FASTKD2: variants seen among roughly 807,000 people sequenced by gnomAD.
The protein encoded by FASTKD2 is FAST kinase domains 2, also known as FAST kinase domain-containing protein 2, mitochondrial.
Under a neutral mutation model 63.6 loss-of-function variants are expected in FASTKD2, and 51 were observed. The observed-to-expected ratio is 0.80, with a 90% CI of 0.64 to 1.01. The LOEUF is 1.01. Among genes scored for constraint, FASTKD2 ranks in the 50% least tolerant of loss-of-function variants. The pLI is 0.00. For missense variants in FASTKD2, 786 were observed against 831.1 expected (o/e 0.95, Z 0.67); for synonymous variants, 284 against 293.4 (o/e 0.97, Z 0.33).
chr2:206,766,762 C>A lies in FASTKD2; in HGVS notation c.69C>A (p.Ser23=). 1 of 1,613,838 alleles carries A rather than the reference C, an allele frequency of 6.2e-7. No individual in the cohort carries two copies. Among genetic ancestry groups the A allele is most frequent in the Non-Finnish European group, 8.5e-7 (1 of 1,179,904 alleles). ...GCAAAATGAATAACAAAGCGGGCTC[C>A]TTTTTCTGGAACCTTAGACAATTCA... ...VESKMNNKAG[S]FFWNLRQFST... The change falls in exon 2 of 12, where the codon TCC becomes TCA. Residue 23 remains serine (S), a synonymous_variant. Transcript: ENST00000402774.
chr2:206,791,094 G>T, intron 11 of FASTKD2: 1 of 233,750 alleles, frequency 4.3e-6, no homozygotes, highest in South Asian at 5.8e-5. Flanking sequence ...AGAAAAGGCT[G>T]GATGGTTTTA....
intron 9 of FASTKD2, 128 bp downstream of exon 9, chr2:206,788,283 C>G: frequency 3.2e-6 from 2 of 629,554 alleles, no homozygotes; most frequent in South Asian, 3.9e-5. Context: ...TGGCCTGATT[C>G]TTGCCTCATA....
intron 7 of FASTKD2, among the ~76,000 whole-genome samples, chr2:206,777,148 T>C (rs766221232): frequency 2.1e-4 from 32 of 152,156 alleles, no homozygotes; most frequent in Non-Finnish European, 4.3e-4. Flanking sequence ...CTTTCTGATT[T>C]GGTTGTTTTT....
At chr2:206,780,302 GTTTTCC>G (rs1222567510) in intron 7 of FASTKD2, among the ~76,000 whole-genome samples, 1 of 152,162 alleles carries the variant, frequency 6.6e-6, no homozygotes, top group East Asian at 1.9e-4. Flanking sequence ...AGTAATGACA[GTTTTCC>G]TTGGCTTTCG....
Position 206,780,999 on chromosome 2 carries a change from C to T in FASTKD2, c.1428-5734C>T, listed in dbSNP as rs147823886. Among the ~76,000 whole-genome samples, 23 of 152,088 alleles carry T rather than the reference C, an allele frequency of 1.5e-4. No homozygotes were observed. The East Asian group carries it at 4.1e-3, about 27-fold the overall frequency. On this transcript the variant is annotated intron_variant, in intron 7 of 11. Coordinates refer to ENST00000402774, the MANE Select transcript of FASTKD2 (RefSeq NM_001136193.2). ...ATTCTTTGTTGATACTCTTATTTTG[C>T]TCATATATCATTTTCCTAATTTCAT...
intron 7 of FASTKD2, among the ~76,000 whole-genome samples, chr2:206,779,448 C>T (rs1437679781): frequency 6.6e-6 from 1 of 152,110 alleles, no homozygotes; most frequent in Non-Finnish European, 1.5e-5. Context: ...AACAGTTCCA[C>T]ATGACTGGGG....
At chr2:206,783,028 T>C (rs989832871) in intron 7 of FASTKD2, among the ~76,000 whole-genome samples, 1 of 152,082 alleles carries the variant, frequency 6.6e-6, no homozygotes, top group African/African-American at 2.4e-5. Context: ...CCTTTTAGTT[T>C]TCCCTCCAGA....
intron 7 of FASTKD2, 83 bp downstream of exon 7, chr2:206,774,480 A>G: frequency 1.2e-6 from 1 of 845,702 alleles, no homozygotes; most frequent in South Asian, 1.4e-5. Flanking sequence ...ATGAATTATT[A>G]CAAGTGAACA....
In FASTKD2 at chr2:206,790,604, ATTG is replaced by A; in HGVS notation, c.1934_1936del (p.Cys645del). ...GTGCTATGTGTTTCCAGATCTGCTT[ATTG>A]TTTGGGTTCAAGCCACCCCAGAGGA... On this transcript the variant is annotated inframe_deletion, in exon 11 of 12. Coordinates refer to ENST00000402774, the MANE Select transcript of FASTKD2 (RefSeq NM_001136193.2). 1 of 1,612,406 alleles carries A rather than the reference ATTG, an allele frequency of 6.2e-7. No homozygotes were observed. The highest frequency in any genetic ancestry group is 8.5e-7 in the Non-Finnish European group (1 of 1,178,542).
rs529315003 is a variant in FASTKD2, at chr2:206,795,361, G to A, written c.*3559G>A. On this transcript the variant is annotated 3_prime_UTR_variant, in exon 12 of 12. Transcript: ENST00000402774. ...CCATTCTCCTGCCTCAGCCTCCCGAGTAGCTGGGACTACAGGTGCCCACCT... is the reference window on the plus strand; with the variant it reads ...CCATTCTCCTGCCTCAGCCTCCCGAATAGCTGGGACTACAGGTGCCCACCT... Among the ~76,000 whole-genome samples, 63 of 152,322 alleles carry A rather than the reference G, an allele frequency of 4.1e-4. No individual in the cohort carries two copies. The Middle Eastern group carries it at 0.01, about 25-fold the overall frequency.
At position 206,795,888 on chromosome 2, in the gene FASTKD2, T is replaced by A. The variant is rs1690437261; in HGVS notation, c.*4086T>A. 6.6e-6 allele frequency among the ~76,000 whole-genome samples: 1 copy of A among 152,202 alleles called. No individual in the cohort carries two copies. The highest frequency in any genetic ancestry group is 1.5e-5 in the Non-Finnish European group (1 of 68,030). Reference sequence around the variant, plus strand: ...GAGCCAGCAATGGGCAGCATCTTCATGACTTTCCAGCTTCCAGGCTGTAAG... The same window carrying A: ...GAGCCAGCAATGGGCAGCATCTTCAAGACTTTCCAGCTTCCAGGCTGTAAG... On this transcript the variant is annotated 3_prime_UTR_variant, in exon 12 of 12. Transcript: ENST00000402774.
chr2:206,793,810 A>C lies in FASTKD2; in HGVS notation c.*2008A>C, dbSNP rs1574679180. 6.6e-6 allele frequency among the ~76,000 whole-genome samples: 1 copy of C among 150,384 alleles called. No homozygotes were observed. Among genetic ancestry groups the C allele is most frequent in the African/African-American group, 2.5e-5 (1 of 39,980 alleles). ...TCATTGCTTTGTGTCAATGAAAGAA[A>C]AATGGGCAAAGAGCTGATGAACATG... On this transcript the variant is annotated 3_prime_UTR_variant, in exon 12 of 12. Coordinates refer to ENST00000402774, the MANE Select transcript of FASTKD2 (RefSeq NM_001136193.2).
At chr2:206,777,316 A>G (rs1689848468) in intron 7 of FASTKD2, among the ~76,000 whole-genome samples, 1 of 152,124 alleles carries the variant, frequency 6.6e-6, no homozygotes, top group Non-Finnish European at 1.5e-5. Context: ...GGCTTTTCAT[A>G]TATGGTCTTA....
At chr2:206,767,606 A>G (rs1338359918) in intron 2 of FASTKD2, 136 bp downstream of exon 2, 2 of 720,002 alleles carry the variant, frequency 2.8e-6, no homozygotes, top group Admixed American at 5.3e-5. Flanking sequence ...TTATTTCTGC[A>G]TATATATTAT....
chr2:206,768,209 G>C lies in FASTKD2; in HGVS notation c.777+739G>C, dbSNP rs994801455. 1.4e-4 allele frequency among the ~76,000 whole-genome samples: 21 copies of C among 152,320 alleles called. 1 individual carries two copies. The highest frequency in any genetic ancestry group is 4.8e-4 in the African/African-American group (20 of 41,568). On this transcript the variant is annotated intron_variant, in intron 2 of 11. Transcript: ENST00000402774. ...TTGACGTGCTCAAATTTGTATTTTA[G>C]ATCACTGAATGAGTGGAAGATGTAT...
chr2:206,788,250 T>A (rs1416323895), intron 9 of FASTKD2, 95 bp downstream of exon 9: 2 of 795,822 alleles, frequency 2.5e-6, no homozygotes, highest in African/African-American at 3.4e-5. Flanking sequence ...CAGTTTAGTG[T>A]AGTGCAGCAT....
At chr2:206,772,426 A>G (rs1689709669) in intron 6 of FASTKD2, 106 bp downstream of exon 6, 2 of 1,125,318 alleles carry the variant, frequency 1.8e-6, no homozygotes, top group Non-Finnish European at 2.6e-6. Context: ...TAAGATACCA[A>G]AATATTCCAA....
intron 7 of FASTKD2, among the ~76,000 whole-genome samples, chr2:206,779,345 G>A (rs1230662159): frequency 6.6e-6 from 1 of 151,886 alleles, no homozygotes; most frequent in African/African-American, 2.4e-5. Flanking sequence ...CAGCCATTTT[G>A]TGTCTTTTAA....
intron 7 of FASTKD2, among the ~76,000 whole-genome samples, chr2:206,776,289 G>A (rs1442189934): frequency 6.6e-6 from 1 of 151,588 alleles, no homozygotes; most frequent in East Asian, 1.9e-4. Flanking sequence ...TCATATGTAT[G>A]GTTTGCAAAT....
Sources: allele counts gnomAD v4.1 joint callset (sites outside exome capture counted in the v4.1 genomes callset), GRCh38; gene constraint gnomAD v4.1.1; transcripts MANE v1.5; gene names NCBI Gene and HGNC (gene_info 2026-07-23, HGNC 2026-07-21).